The following NCAM1 variants were observed in gnomAD, a reference collection of about 807,000 sequenced individuals.
The protein encoded by NCAM1 is antigen recognized by monoclonal antibody 5.1H11.
NCAM1 carries 14 observed loss-of-function variants against 109.8 expected under a neutral mutation model. That is an observed-to-expected ratio of 0.13 (90% CI 0.08 to 0.20). NCAM1 has a LOEUF of 0.20. NCAM1 is among the 10% of genes least tolerant of loss of function. The pLI is 1.00. For synonymous variants in NCAM1, 418 were observed against 442.9 expected (o/e 0.94, Z 0.70); for missense variants, 774 against 1,109.9 (o/e 0.70, Z 4.30).
chr11:113,235,936 T>C (rs1945155448), intron 14 of NCAM1, among the ~76,000 whole-genome samples: 1 of 152,218 alleles, frequency 6.6e-6, no homozygotes. Flanking sequence ...GGGAAGCTCC[T>C]GAGTCCACCC....
rs182275119 is a variant in NCAM1 at position 112,993,970 on chromosome 11, C to G, written c.52+32306C>G. Among the ~76,000 whole-genome samples the G allele has an allele frequency of 2.0e-5, 3 of 152,310 alleles. No homozygotes were observed. In the East Asian group the frequency reaches 5.8e-4, roughly 29 times the overall value. ...ATGATTCTTCTGCCTGTCTGCTACT[C>G]TCTTCTGGGTTGATTGACCCTGGAT... On this transcript the variant is annotated intron_variant, in intron 1 of 19. Coordinates refer to ENST00000316851, the MANE Select transcript of NCAM1 (RefSeq NM_181351.5).
At chr11:113,223,903 C>T (rs941834125) in intron 9 of NCAM1, among the ~76,000 whole-genome samples, 18 of 152,258 alleles carry the variant, frequency 1.2e-4, no homozygotes, top group African/African-American at 3.9e-4. Flanking sequence ...TCTAGACTCA[C>T]GGGTAAAGAC....
intron 1 of NCAM1, among the ~76,000 whole-genome samples, chr11:113,079,163 G>A (rs1411159814): frequency 6.6e-6 from 1 of 152,172 alleles, no homozygotes; most frequent in Admixed American, 6.5e-5. Context: ...TCCTATTCTT[G>A]AAGTTCCACG....
chr11:113,270,607 A>G lies in NCAM1; in HGVS notation c.2339+212A>G, dbSNP rs991954448. ...TTTGAAATGTAGACTCTTGAGCCCA[A>G]TCCCAGATCTCTTGTATTAGAATCT... On this transcript the variant is annotated intron_variant, in intron 18 of 19. Transcript: ENST00000316851. The G allele has an allele frequency of 5.2e-6, 3 of 575,740 alleles. No homozygotes were observed. The African/African-American group carries it at 5.6e-5, about 11-fold the overall frequency. 35.7% of individuals were successfully genotyped at this position (575,740 alleles called of 1,614,324 possible).
At chr11:113,202,932 C>T (rs907566629) in intron 2 of NCAM1, among the ~76,000 whole-genome samples, 14 of 152,162 alleles carry the variant, frequency 9.2e-5, no homozygotes, top group Non-Finnish European at 1.6e-4. Context: ...GTTGTGAGGA[C>T]ATATATCCTG....
chr11:113,173,134 A>G (rs879961078), intron 1 of NCAM1, among the ~76,000 whole-genome samples: 4 of 152,142 alleles, frequency 2.6e-5, no homozygotes, highest in Admixed American at 6.6e-5. Flanking sequence ...CGTGGGGCTG[A>G]GAAAGAATCC....
chr11:113,151,114 C>G (rs1180080530), intron 1 of NCAM1, among the ~76,000 whole-genome samples: 1 of 152,174 alleles, frequency 6.6e-6, no homozygotes. Flanking sequence ...ACCTCATGAG[C>G]CACGTTGACA....
In NCAM1 at chr11:113,105,210, C is replaced by T. The variant is rs115548448; in HGVS notation, c.53-97169C>T. Among the ~76,000 whole-genome samples the T allele has an allele frequency of 6.3e-3, 966 of 152,228 alleles. 8 individuals are homozygous for T. Among genetic ancestry groups the T allele is most frequent in the African/African-American group, 0.022 (916 of 41,532 alleles). On this transcript the variant is annotated intron_variant, in intron 1 of 19. Coordinates refer to ENST00000316851, the MANE Select transcript of NCAM1 (RefSeq NM_181351.5). ...AGTTGAGGTTGGCAGGTCTGTGGGA[C>T]CCCAGTAGCAGATGGAGGAAGCCCA...
chr11:113,263,516 A>G, intron 17 of NCAM1: 3 of 985,748 alleles, frequency 3.0e-6, no homozygotes, highest in Non-Finnish European at 3.6e-6. Flanking sequence ...CTGGAAAAAA[A>G]GTTGAATTTG....
chr11:113,201,575 A>G (rs1364257466), intron 1 of NCAM1, among the ~76,000 whole-genome samples: 1 of 152,232 alleles, frequency 6.6e-6, no homozygotes, highest in African/African-American at 2.4e-5. Context: ...ATAAACGAGG[A>G]GCAGATGAAC....
At chr11:113,270,148 C>CTCA in intron 17 of NCAM1, 40 bp from the exon 18 acceptor site, 1 of 1,603,086 alleles carries the variant, frequency 6.2e-7, no homozygotes, top group Non-Finnish European at 8.5e-7. Context: ...GGTCTCGCAT[C>CTCA]TCAGTCTGTT....
At position 113,235,021 on chromosome 11, in the gene NCAM1, A is replaced by G. The variant is rs782770088; in HGVS notation, c.1694-12A>G. On this transcript the variant is annotated splice_polypyrimidine_tract_variant and intron_variant, in intron 13 of 19. Transcript: ENST00000316851. ...AATAGACTCTTTTGTCATCCTTCCCATATTATAACAGCCAGCATGGAGGGC... is the reference window on the plus strand; with the variant it reads ...AATAGACTCTTTTGTCATCCTTCCCGTATTATAACAGCCAGCATGGAGGGC... The G allele has an allele frequency of 2.6e-6, 4 of 1,543,818 alleles. No individual in the cohort carries two copies. In the East Asian group the frequency reaches 7.4e-5, roughly 28 times the overall value.
intron 1 of NCAM1, among the ~76,000 whole-genome samples, chr11:113,171,533 T>G (rs1359008221): frequency 6.6e-6 from 1 of 152,126 alleles, no homozygotes; most frequent in Non-Finnish European, 1.5e-5. Flanking sequence ...CTCAGGAGGC[T>G]GAGGCAGGCA....
At chr11:113,121,770 C>G (rs1218745606) in intron 1 of NCAM1, among the ~76,000 whole-genome samples, 1 of 152,118 alleles carries the variant, frequency 6.6e-6, no homozygotes, top group African/African-American at 2.4e-5. Context: ...AAAATCCATT[C>G]CTTTGGGTGC....
At chr11:113,104,675 A>AT (rs1392980342) in intron 1 of NCAM1, among the ~76,000 whole-genome samples, 6 of 152,152 alleles carry the variant, frequency 3.9e-5, no homozygotes, top group South Asian at 4.1e-4. Flanking sequence ...GATGCAAAAC[A>AT]TTTTTTTGTC....
At chr11:113,253,134 A>G (rs1419461670) in intron 15 of NCAM1, among the ~76,000 whole-genome samples, 1 of 152,154 alleles carries the variant, frequency 6.6e-6, no homozygotes, top group African/African-American at 2.4e-5. Context: ...TTTTTCTGAA[A>G]CAAATCTAAA....
intron 9 of NCAM1, 26 bp from the exon 10 acceptor site, chr11:113,231,619 G>A (rs1555117218): frequency 6.2e-7 from 1 of 1,608,934 alleles, no homozygotes; most frequent in Admixed American, 1.7e-5. Flanking sequence ...GCTCTGACAT[G>A]CTCCCTTCCC....
chr11:113,102,639 TTTAC>T (rs1233032808), intron 1 of NCAM1, among the ~76,000 whole-genome samples: 5 of 152,196 alleles, frequency 3.3e-5, no homozygotes, highest in African/African-American at 1.2e-4. Flanking sequence ...GTATTTAATA[TTTAC>T]TTACTTACTT....
chr11:113,076,324 C>T (rs1002108742), intron 1 of NCAM1, among the ~76,000 whole-genome samples: 1 of 152,212 alleles, frequency 6.6e-6, no homozygotes, highest in South Asian at 2.1e-4. Context: ...ATTTGTCCAT[C>T]CCTTTCTGGG....
Sources: gnomAD v4.1 joint callset for allele counts (sites outside exome capture counted in the v4.1 genomes callset) on GRCh38, gnomAD v4.1.1 for gene constraint, MANE v1.5 for transcripts, NCBI Gene and HGNC (gene_info 2026-07-23, HGNC 2026-07-21) for gene names.